Variants in TECPR2 observed in about 807,000 individuals in gnomAD.
TECPR2 encodes tectonin beta-propeller repeat-containing protein 2.
In TECPR2, 65 loss-of-function variants were observed where a neutral mutation model predicts 138.1. The observed-to-expected ratio is 0.47, with a 90% CI of 0.39 to 0.58. The LOEUF (loss-of-function observed/expected upper bound fraction) is 0.58. Among genes scored for constraint, TECPR2 ranks in the 20% least tolerant of loss-of-function variants. The pLI, the probability that TECPR2 is intolerant of heterozygous loss-of-function variation, is 0.00. For synonymous variants in TECPR2, 746 were observed against 749.8 expected, an observed-to-expected ratio of 0.99 and a Z score of 0.08; for missense variants, 1,553 against 1,824.5, an observed-to-expected ratio of 0.85 and a Z score of 2.71.
At chr14:102,435,483 C>T (rs1889640911) in intron 9 of TECPR2, among the ~76,000 whole-genome samples, 1 of 152,194 alleles carries the variant, frequency 6.6e-6, no homozygotes, top group African/African-American at 2.4e-5. Flanking sequence ...CCCACAAGTG[C>T]AGGCTGGTGT....
rs1355992487 is a variant in TECPR2 at position 102,428,327 on chromosome 14, A to C, written c.1029A>C (p.Lys343Asn). 1.2e-6 allele frequency: 2 copies of C among 1,611,644 alleles called. No homozygotes were observed. Among genetic ancestry groups the C allele is most frequent in the East Asian group, 4.5e-5 (2 of 44,780 alleles). Residue 343 changes from lysine to asparagine, a missense_variant, in exon 7 of 20, where the codon AAA (lysine) becomes AAC (asparagine). Lys to Asn is a moderately conservative substitution (Grantham distance 94). Transcript: ENST00000359520. ...CAGAAAATGAAATATTTTTCTTGAAAGGAGATAGGAACATTATAAGAATTT... is the reference window on the plus strand; with the variant it reads ...CAGAAAATGAAATATTTTTCTTGAACGGAGATAGGAACATTATAAGAATTT... ...SCTENEIFFL[K>N]GDRNIIRISS...
intron 1 of TECPR2, among the ~76,000 whole-genome samples, chr14:102,371,993 T>C (rs1229611317): frequency 6.6e-6 from 1 of 152,190 alleles, no homozygotes; most frequent in Non-Finnish European, 1.5e-5. Context: ...TACTTCTTTG[T>C]CCTTTTATTT....
At chr14:102,391,982 TTTTTG>T (rs553999170) in intron 2 of TECPR2, among the ~76,000 whole-genome samples, 4 of 152,078 alleles carry the variant, frequency 2.6e-5, no homozygotes, top group South Asian at 2.1e-4. Flanking sequence ...TTTTGTTTGT[TTTTTG>T]TTTTGTTTTG....
At chr14:102,480,661 G>A (rs1890871843) in intron 17 of TECPR2, among the ~76,000 whole-genome samples, 1 of 151,256 alleles carries the variant, frequency 6.6e-6, no homozygotes, top group African/African-American at 2.4e-5. Flanking sequence ...CTAGGGGTAT[G>A]CACCATCACA....
At chr14:102,416,663 G>A (rs1889032877) in intron 5 of TECPR2, among the ~76,000 whole-genome samples, 1 of 152,166 alleles carries the variant, frequency 6.6e-6, no homozygotes, top group Non-Finnish European at 1.5e-5. Flanking sequence ...TTTACATGTG[G>A]GTCCTATTCC....
At chr14:102,411,676 G>T (rs1451036814) in intron 4 of TECPR2, among the ~76,000 whole-genome samples, 2 of 81,322 alleles carry the variant, frequency 2.5e-5, no homozygotes, top group Non-Finnish European at 4.7e-5. Flanking sequence ...CTGCACCCAG[G>T]TGAAATAAAC....
intron 1 of TECPR2, among the ~76,000 whole-genome samples, chr14:102,372,778 G>T (rs184137352): frequency 1.4e-3 from 218 of 152,060 alleles, no homozygotes; most frequent in African/African-American, 5.1e-3. Flanking sequence ...AAATTAGCCA[G>T]GCCTGGTGGC....
chr14:102,445,955 T>C lies in TECPR2; in HGVS notation c.3075+8T>C. Reference sequence around the variant, plus strand: ...GACGACCATTGGTGGCAAGTAGGTGTTCAGCTCTGCGCCACGTGCCGAGGT... The same window carrying C: ...GACGACCATTGGTGGCAAGTAGGTGCTCAGCTCTGCGCCACGTGCCGAGGT... On this transcript the variant is annotated splice_region_variant and intron_variant, in intron 13 of 19. Coordinates refer to ENST00000359520, the MANE Select transcript of TECPR2 (RefSeq NM_014844.5). 1 of 1,613,004 alleles carries C rather than the reference T, an allele frequency of 6.2e-7. No individual in the cohort carries two copies. The highest frequency in any genetic ancestry group is 1.3e-5 in the African/African-American group (1 of 74,972).
At chr14:102,465,804 C>G (rs1206208610) in intron 17 of TECPR2, 3 of 234,346 alleles carry the variant, frequency 1.3e-5, no homozygotes, top group African/African-American at 7.0e-5. Flanking sequence ...TCTGTGTTCT[C>G]CTGACCTCCA....
At chr14:102,380,581 T>C (rs1199319687) in intron 2 of TECPR2, among the ~76,000 whole-genome samples, 1 of 152,222 alleles carries the variant, frequency 6.6e-6, no homozygotes, top group Non-Finnish European at 1.5e-5. Context: ...ATGTGGGGAT[T>C]ATGGGAACTA....
chr14:102,465,023 A>T (rs2277467), intron 16 of TECPR2, 118 bp from the exon 17 acceptor site: 1 of 1,281,392 alleles, frequency 7.8e-7, no homozygotes, highest in African/African-American at 1.5e-5. Context: ...TCCAAGTTCA[A>T]TTGCAAATGC....
chr14:102,456,714 C>T (rs1466227276), intron 16 of TECPR2, among the ~76,000 whole-genome samples: 2 of 151,724 alleles, frequency 1.3e-5, no homozygotes, highest in Admixed American at 6.6e-5. Context: ...CTCAGCCTCC[C>T]GAGTAGCTGG....
At chr14:102,482,211 CA>C (rs1186455673) in intron 17 of TECPR2, among the ~76,000 whole-genome samples, 2 of 152,258 alleles carry the variant, frequency 1.3e-5, no homozygotes, top group East Asian at 3.9e-4. Context: ...TGTGCCACCA[CA>C]CCCAGCTAAT....
chr14:102,458,047 T>C (rs1008766715), intron 16 of TECPR2, among the ~76,000 whole-genome samples: 1 of 151,926 alleles, frequency 6.6e-6, no homozygotes, highest in Admixed American at 6.6e-5. Flanking sequence ...CTAATTTTTG[T>C]ATGTTTAGTA....
intron 16 of TECPR2, among the ~76,000 whole-genome samples, chr14:102,459,767 CA>C (rs561061309): frequency 1.3e-5 from 2 of 152,118 alleles, no homozygotes; most frequent in Non-Finnish European, 2.9e-5. Context: ...CTCAAAAAAG[CA>C]AACCAAAAAA....
chr14:102,450,444 T>A, intron 14 of TECPR2, 116 bp from the exon 15 acceptor site: 1 of 964,230 alleles, frequency 1.0e-6, no homozygotes, highest in East Asian at 2.6e-5. Context: ...TTAGGGACAC[T>A]CTAGAATTAT....
At chr14:102,452,320 G>C (rs1036347020) in intron 15 of TECPR2, 74 bp from the exon 16 acceptor site, 7 of 1,465,716 alleles carry the variant, frequency 4.8e-6, no homozygotes, top group Non-Finnish European at 3.7e-6. Context: ...AAAGGCAAAG[G>C]CTGCCTTGTG....
intron 2 of TECPR2, among the ~76,000 whole-genome samples, chr14:102,380,718 G>A (rs1401472142): frequency 3.9e-5 from 6 of 152,122 alleles, no homozygotes; most frequent in Admixed American, 2.6e-4. Flanking sequence ...TCGCTCTGTC[G>A]CCCAGGCTAG....
intron 12 of TECPR2, among the ~76,000 whole-genome samples, chr14:102,445,264 C>T (rs1052434915): frequency 6.6e-6 from 1 of 152,250 alleles, no homozygotes; most frequent in African/African-American, 2.4e-5. Flanking sequence ...AGGGCAGTGT[C>T]TGCCTAGGTC....
Sources: gnomAD v4.1 joint callset for allele counts (sites outside exome capture counted in the v4.1 genomes callset) on GRCh38, gnomAD v4.1.1 for gene constraint, MANE v1.5 for transcripts, NCBI Gene and HGNC (gene_info 2026-07-23, HGNC 2026-07-21) for gene names.